Variants in KIAA0513 observed in about 807,000 individuals in gnomAD.
The protein encoded by KIAA0513 is KIAA0513.
In KIAA0513, 39 loss-of-function variants were observed where a neutral mutation model predicts 56.5. That is an observed-to-expected ratio of 0.69 (90% CI 0.53 to 0.90). The LOEUF (loss-of-function observed/expected upper bound fraction) is 0.90, where lower values mean the gene tolerates loss of function less well. Ranked by LOEUF, KIAA0513 falls within the 40% of genes least tolerant of loss-of-function variation. The pLI, the probability that KIAA0513 is intolerant of heterozygous loss-of-function variation, is 0.00. For missense variants in KIAA0513, 591 were observed against 535.2 expected (o/e 1.10, Z -1.03); for synonymous variants, 268 against 215.6 (o/e 1.24, Z -2.13).
chr16:85,040,671 C>T (rs1426505535), intron 1 of KIAA0513, among the ~76,000 whole-genome samples: 1 of 152,202 alleles, frequency 6.6e-6, no homozygotes, highest in Admixed American at 6.5e-5. Context: ...ATTCCCTTCT[C>T]TCTGTTCAGG....
intron 1 of KIAA0513, among the ~76,000 whole-genome samples, chr16:85,063,016 C>G (rs1012677432): frequency 1.3e-5 from 2 of 152,188 alleles, no homozygotes; most frequent in Non-Finnish European, 2.9e-5. Context: ...GATCCCTGAG[C>G]TGAGGGGTCC....
chr16:85,061,756 C>T (rs577566465), intron 1 of KIAA0513, among the ~76,000 whole-genome samples: 22 of 152,138 alleles, frequency 1.4e-4, no homozygotes, highest in Admixed American at 7.9e-4. Context: ...GCAGCCACAC[C>T]GGGGCAATCT....
chr16:85,082,800 G>T (rs1347317973), intron 10 of KIAA0513, among the ~76,000 whole-genome samples: 1 of 152,232 alleles, frequency 6.6e-6, no homozygotes, highest in Non-Finnish European at 1.5e-5. Context: ...AACTGGGCAG[G>T]TGGGAGCCTG....
At chr16:85,045,771 G>T (rs913337982) in intron 1 of KIAA0513, among the ~76,000 whole-genome samples, 1 of 152,296 alleles carries the variant, frequency 6.6e-6, no homozygotes, top group African/African-American at 2.4e-5. Flanking sequence ...CTGTGCGTTG[G>T]CCTCTGCTCC....
rs191614188 is a variant in KIAA0513 at position 85,052,741 on chromosome 16, G to C, written c.-172-14159G>C. Among the ~76,000 whole-genome samples, 529 of 152,248 alleles carry C rather than the reference G, an allele frequency of 3.5e-3. 2 individuals carry two copies. The highest frequency in any genetic ancestry group is 0.012 in the African/African-American group (501 of 41,554). ...ATGGCATCATCACTGTGGTTTGGGG[G>C]CAGGTGCTTTTGTCCGTGCATCTGA... is the stretch of plus-strand genomic sequence containing the variant. On this transcript the variant is annotated intron_variant, in intron 1 of 12. Transcript: ENST00000683363.
chr16:85,074,386 G>C (rs1349695678), intron 4 of KIAA0513, among the ~76,000 whole-genome samples: 2 of 150,962 alleles, frequency 1.3e-5, no homozygotes, highest in Non-Finnish European at 2.9e-5. Context: ...TAGAGATGAA[G>C]TCATCAGGCT....
chr16:85,033,210 C>G (rs1390572598), intron 1 of KIAA0513, among the ~76,000 whole-genome samples: 1 of 152,178 alleles, frequency 6.6e-6, no homozygotes, highest in Admixed American at 6.5e-5. Flanking sequence ...GTCGAGCAAT[C>G]CAGCGACCTG....
intron 5 of KIAA0513, 22 bp from the exon 6 acceptor site, chr16:85,077,403 C>G (rs377578854): frequency 1.9e-6 from 3 of 1,612,494 alleles, no homozygotes; most frequent in Non-Finnish European, 2.5e-6. Flanking sequence ...CTGGCCTCGT[C>G]TTGTTCCCTC....
At chr16:85,087,225 C>A in intron 12 of KIAA0513, 59 bp downstream of exon 12, 2 of 1,365,218 alleles carry the variant, frequency 1.5e-6, no homozygotes, top group Non-Finnish European at 2.1e-6. Context: ...GGAGCCAGTG[C>A]TGTGCCCGCT....
chr16:85,087,718 A>C (rs2073825740), intron 12 of KIAA0513, among the ~76,000 whole-genome samples: 1 of 152,166 alleles, frequency 6.6e-6, no homozygotes, highest in Non-Finnish European at 1.5e-5. Flanking sequence ...GTTCTTCTTC[A>C]TCGAAAAGGA....
intron 12 of KIAA0513, among the ~76,000 whole-genome samples, chr16:85,087,799 G>T (rs568486395): frequency 9.2e-5 from 14 of 152,222 alleles, no homozygotes; most frequent in African/African-American, 3.4e-4. Flanking sequence ...TAATTCAAGG[G>T]ATCTGTGGTG....
At chr16:85,079,064 C>G (rs369612028) in intron 8 of KIAA0513, 61 bp downstream of exon 8, 2 of 1,612,896 alleles carry the variant, frequency 1.2e-6, no homozygotes, top group African/African-American at 2.7e-5. Flanking sequence ...AGTCACTCCC[C>G]GGGATCACTT....
At chr16:85,073,065 C>A (rs2073602649) in intron 4 of KIAA0513, 67 bp downstream of exon 4, 1 of 1,328,362 alleles carries the variant, frequency 7.5e-7, no homozygotes, top group Non-Finnish European at 1.1e-6. Context: ...CCTCCCTCCC[C>A]ACCCAGCCGT....
chr16:85,067,394 C>T lies in KIAA0513; in HGVS notation c.323C>T (p.Ser108Phe), dbSNP rs776654297. Residue 108 changes from serine to phenylalanine, a missense_variant, in exon 2 of 13, where the codon TCT (serine) becomes TTT (phenylalanine). Ser to Phe is a radical substitution (Grantham distance 155, BLOSUM62 -2). Transcript: ENST00000683363. Reference protein sequence around the residue: ...FMRGYVEKIFSGGEDLDQEEK... With the variant: ...FMRGYVEKIFFGGEDLDQEEK... ...CGTGGCTACGTGGAGAAGATCTTCT[C>T]TGGAGGGTAAGGGGCCTGTGTGGAC... is the stretch of plus-strand genomic sequence containing the variant. 3 of 1,599,044 alleles carry T rather than the reference C, an allele frequency of 1.9e-6. No individual in the cohort carries two copies. The highest frequency in any genetic ancestry group is 8.5e-7 in the Non-Finnish European group (1 of 1,178,222).
At chr16:85,084,371 G>A (rs1259882651) in intron 10 of KIAA0513, among the ~76,000 whole-genome samples, 3 of 149,206 alleles carry the variant, frequency 2.0e-5, no homozygotes, top group African/African-American at 4.9e-5. Flanking sequence ...TCAGCCTCCC[G>A]AGTAGCTGGG....
intron 1 of KIAA0513, among the ~76,000 whole-genome samples, chr16:85,031,472 C>T (rs961606183): frequency 1.1e-4 from 16 of 152,094 alleles, no homozygotes; most frequent in Non-Finnish European, 2.4e-4. Context: ...GTTTTAAGAC[C>T]GTGATTATGC....
intron 10 of KIAA0513, among the ~76,000 whole-genome samples, chr16:85,083,055 T>C (rs1597647007): frequency 6.6e-6 from 1 of 152,074 alleles, no homozygotes; most frequent in Admixed American, 6.5e-5. Context: ...ACGGGTGGGG[T>C]GCAGAGCCTG....
chr16:85,066,637 C>T (rs1039828399), intron 1 of KIAA0513, among the ~76,000 whole-genome samples: 6 of 152,024 alleles, frequency 3.9e-5, no homozygotes, highest in East Asian at 1.9e-4. Flanking sequence ...GGGGCTGGAG[C>T]GGGGAGGAGG....
chr16:85,079,232 A>G, intron 8 of KIAA0513: 1 of 835,652 alleles, frequency 1.2e-6, no homozygotes, highest in South Asian at 2.1e-5. Flanking sequence ...GCTGAGAAAC[A>G]GTCTGGCAGT....
Sources: allele counts gnomAD v4.1 joint callset (sites outside exome capture counted in the v4.1 genomes callset), GRCh38; gene constraint gnomAD v4.1.1; transcripts MANE v1.5; gene names NCBI Gene and HGNC (gene_info 2026-07-23, HGNC 2026-07-21).